The following MTHFD2L variants were observed in gnomAD, a reference collection of about 807,000 sequenced individuals.
The protein encoded by MTHFD2L is bifunctional methylenetetrahydrofolate dehydrogenase/cyclohydrolase 2, mitochondrial.
In MTHFD2L, 29 loss-of-function variants were observed where a neutral mutation model predicts 34.9. The ratio of observed to expected loss-of-function variants is 0.83; its 90% confidence interval spans 0.62 to 1.13. The LOEUF is 1.13. Ranked by LOEUF, MTHFD2L falls within the 50% of genes most tolerant of loss-of-function variation. MTHFD2L has a pLI of 0.00. For synonymous variants in MTHFD2L, 167 were observed against 155.7 expected, an observed-to-expected ratio of 1.07 and a Z score of -0.54; for missense variants, 481 against 446.5, an observed-to-expected ratio of 1.08 and a Z score of -0.70.
intron 6 of MTHFD2L, among the ~76,000 whole-genome samples, chr4:74,230,388 G>C (rs1435585054): frequency 1.3e-5 from 2 of 151,918 alleles, no homozygotes; most frequent in Admixed American, 1.3e-4. Flanking sequence ...TCAGGAGTTT[G>C]AGACCAGCCT....
chr4:74,171,097 G>A (rs1238531107), intron 1 of MTHFD2L, among the ~76,000 whole-genome samples: 1 of 151,804 alleles, frequency 6.6e-6, no homozygotes, highest in African/African-American at 2.4e-5. Context: ...CCTGCACATT[G>A]TGCACATGTA....
At chr4:74,158,487 T>C (rs941930689) in intron 1 of MTHFD2L, 9 of 180,440 alleles carry the variant, frequency 5.0e-5, no homozygotes, top group African/African-American at 1.7e-4. Flanking sequence ...GAAAACGTGC[T>C]CTGCTCTGGG....
chr4:74,194,933 A>G (rs1340201282), intron 3 of MTHFD2L: 1 of 152,196 alleles, frequency 6.6e-6, no homozygotes, highest in Non-Finnish European at 1.5e-5. Context: ...GGGCTGCCCA[A>G]TTCGTTAATT....
chr4:74,185,320 A>G (rs1730996001), intron 3 of MTHFD2L, among the ~76,000 whole-genome samples: 1 of 152,032 alleles, frequency 6.6e-6, no homozygotes, highest in African/African-American at 2.4e-5. Context: ...GTGGGATTCT[A>G]TTAAAGCAGT....
chr4:74,123,659 A>C (rs1476605956), upstream of MTHFD2L, among the ~76,000 whole-genome samples: 1 of 152,036 alleles, frequency 6.6e-6, no homozygotes, highest in Non-Finnish European at 1.5e-5. Flanking sequence ...TATGTAACTT[A>C]GAATGCTTCA....
chr4:74,266,678 G>A, intron 6 of MTHFD2L, among the ~76,000 whole-genome samples: 1 of 152,068 alleles, frequency 6.6e-6, no homozygotes, highest in Non-Finnish European at 1.5e-5. Context: ...TCTTGTTTGA[G>A]TCTCTCTGTT....
intron 5 of MTHFD2L, among the ~76,000 whole-genome samples, chr4:74,210,364 G>A (rs1397863422): frequency 1.3e-5 from 2 of 152,148 alleles, no homozygotes; most frequent in Admixed American, 6.5e-5. Flanking sequence ...GTTAATTTTT[G>A]TATGAGATGT....
chr4:74,238,162 A>T (rs919661342), intron 6 of MTHFD2L, among the ~76,000 whole-genome samples: 1 of 152,190 alleles, frequency 6.6e-6, no homozygotes, highest in Non-Finnish European at 1.5e-5. Context: ...TGCTTATGTA[A>T]TAATCCATAC....
rs796383711 is a variant in MTHFD2L, at chr4:74,243,606, C to A, written c.805+18212C>A. Among the ~76,000 whole-genome samples, 17 of 151,890 alleles carry A rather than the reference C, an allele frequency of 1.1e-4. 1 individual carries two copies. The highest frequency in any genetic ancestry group is 3.6e-4 in the African/African-American group (15 of 41,438). On this transcript the variant is annotated intron_variant, in intron 6 of 7. Transcript: ENST00000325278. ...AATTATTCCTTTGATTTACAAGATT[C>A]CATCTCAGGCCTGTTCAGAGTTTCT...
intron 5 of MTHFD2L, among the ~76,000 whole-genome samples, chr4:74,206,742 ATTTT>A (rs1735398290): frequency 1.3e-5 from 2 of 151,992 alleles, no homozygotes; most frequent in Non-Finnish European, 2.9e-5. Context: ...TAGTGTCTTT[ATTTT>A]TAGATTTACA....
At chr4:74,214,032 T>G (rs1736785666) in intron 5 of MTHFD2L, among the ~76,000 whole-genome samples, 1 of 151,826 alleles carries the variant, frequency 6.6e-6, no homozygotes, top group African/African-American at 2.4e-5. Flanking sequence ...TTCACAAAGT[T>G]CTCGTGCTGT....
chr4:74,266,648 C>T (rs556368493), intron 6 of MTHFD2L, among the ~76,000 whole-genome samples: 51 of 152,264 alleles, frequency 3.3e-4, no homozygotes, highest in African/African-American at 1.1e-3. Flanking sequence ...CCTGACTTTT[C>T]GAACTCAACC....
intron 6 of MTHFD2L, among the ~76,000 whole-genome samples, chr4:74,265,466 TATG>T (rs1172276122): frequency 3.9e-5 from 6 of 152,214 alleles, no homozygotes; most frequent in Admixed American, 3.3e-4. Context: ...GTGGATTGGC[TATG>T]ATATTTTTGA....
At chr4:74,284,450 A>G (rs1389549125) in intron 7 of MTHFD2L, among the ~76,000 whole-genome samples, 1 of 151,518 alleles carries the variant, frequency 6.6e-6, no homozygotes, top group African/African-American at 2.4e-5. Context: ...GCATTTATTC[A>G]TGTGTCTTTT....
In MTHFD2L at chr4:74,163,073, G is replaced by A. The variant is rs1036741229; in HGVS notation, c.143+4792G>A. On this transcript the variant is annotated intron_variant, in intron 1 of 7. Transcript: ENST00000325278. ...AGGTTACTAACTTCTGATAAATTGA[G>A]CATTTTTTTTTTTCCATTGTTAGTG... Among the ~76,000 whole-genome samples the A allele has an allele frequency of 2.5e-3, 11 of 4,436 alleles. 1 individual carries two copies. The South Asian group carries it at 0.3, about 121-fold the overall frequency. The allele number at this position is 4,436 out of a possible 152,430, so 2.9% of individuals were successfully genotyped here. A position where few individuals can be genotyped will look rare whatever the true frequency, so the allele number is the denominator to read the frequency against.
intron 2 of MTHFD2L, among the ~76,000 whole-genome samples, chr4:74,116,508 T>G (rs1295039175): frequency 6.6e-6 from 1 of 152,124 alleles, no homozygotes; most frequent in Non-Finnish European, 1.5e-5. Context: ...CATAAAACTA[T>G]ATGACCACAT....
chr4:74,248,415 T>G (rs1177832005), intron 6 of MTHFD2L, among the ~76,000 whole-genome samples: 1 of 152,166 alleles, frequency 6.6e-6, no homozygotes, highest in Non-Finnish European at 1.5e-5. Context: ...ATTTTGTTGA[T>G]CCTTTCAAAA....
chr4:74,156,966 A>C (rs936668883), upstream of MTHFD2L: 4 of 152,082 alleles, frequency 2.6e-5, no homozygotes, highest in African/African-American at 9.7e-5. Context: ...TCTTGTAAAA[A>C]TGTTTTGCGA....
At chr4:74,164,494 T>C (rs1288683470) in intron 1 of MTHFD2L, among the ~76,000 whole-genome samples, 2 of 152,234 alleles carry the variant, frequency 1.3e-5, no homozygotes, top group Non-Finnish European at 1.5e-5. Context: ...CACTAAGTGC[T>C]GAAGACTTTC....
Sources: gnomAD v4.1 joint callset for allele counts (sites outside exome capture counted in the v4.1 genomes callset) on GRCh38, gnomAD v4.1.1 for gene constraint, MANE v1.5 for transcripts, NCBI Gene and HGNC (gene_info 2026-07-23, HGNC 2026-07-21) for gene names.